KIAA0586: variants seen among roughly 807,000 people sequenced by gnomAD.
KIAA0586 encodes the protein KIAA0586.
A neutral mutation model predicts 169.8 loss-of-function variants in KIAA0586; 144 were observed. The observed-to-expected ratio is 0.85, with a 90% CI of 0.74 to 0.97. The LOEUF (loss-of-function observed/expected upper bound fraction) is 0.97, where lower values mean the gene tolerates loss of function less well. KIAA0586 is among the 50% of genes least tolerant of loss of function. The pLI, the probability that KIAA0586 is intolerant of heterozygous loss-of-function variation, is 0.00. For synonymous variants in KIAA0586, 625 were observed against 612.4 expected (o/e 1.02, Z -0.30); for missense variants, 1,854 against 1,823.0 (o/e 1.02, Z -0.31).
chr14:58,442,907 A>G, intron 5 of KIAA0586, 27 bp downstream of exon 5: 1 of 1,546,076 alleles, frequency 6.5e-7, no homozygotes. Flanking sequence ...AGATAATCAT[A>G]ACTACTTTGT....
At chr14:58,479,015 T>C in intron 20 of KIAA0586, among the ~76,000 whole-genome samples, 1 of 152,248 alleles carries the variant, frequency 6.6e-6, no homozygotes, top group Non-Finnish European at 1.5e-5. Flanking sequence ...GCTATGAACA[T>C]TTGTAAGCAA....
chr14:58,428,777 T>C (rs890079832), intron 1 of KIAA0586, among the ~76,000 whole-genome samples: 32 of 151,952 alleles, frequency 2.1e-4, no homozygotes, highest in African/African-American at 7.3e-4. Context: ...GTGTTTTTTA[T>C]AGTTTTCCCC....
At position 58,535,723 on chromosome 14, in the gene KIAA0586, C is replaced by CA. The variant is rs1835149789; in HGVS notation, c.4430-4348_4430-4347insA. Among the ~76,000 whole-genome samples, 7 of 145,754 alleles carry CA rather than the reference C, an allele frequency of 4.8e-5. No homozygotes were observed. In the South Asian group the frequency reaches 1.3e-3, roughly 27 times the overall value. ...GATTTTTTTTTTTTTTTTTAGTGAA[C>CA]TCAAATTAGTATAAAAATGTAGCTA... On this transcript the variant is annotated intron_variant, in intron 29 of 30. Coordinates refer to ENST00000652326, the MANE Select transcript of KIAA0586 (RefSeq NM_001329943.3).
chr14:58,498,597 A>G (rs534652538), intron 26 of KIAA0586, among the ~76,000 whole-genome samples, 186 bp from the exon 27 acceptor site: 1 of 152,202 alleles, frequency 6.6e-6, no homozygotes, highest in African/African-American at 2.4e-5. Flanking sequence ...AACAAAGCCT[A>G]TCACGAGGCT....
chr14:58,553,354 G>A (rs1264419669), downstream of KIAA0586, among the ~76,000 whole-genome samples: 4 of 152,196 alleles, frequency 2.6e-5, no homozygotes, highest in Non-Finnish European at 5.9e-5. Flanking sequence ...AGGCAGGTTA[G>A]CAGATGAAGC....
chr14:58,515,648 G>A (rs1164834202), intron 29 of KIAA0586, among the ~76,000 whole-genome samples: 1 of 151,928 alleles, frequency 6.6e-6, no homozygotes, highest in African/African-American at 2.4e-5. Context: ...GATATGATAG[G>A]GATTTCAAAA....
At chr14:58,466,755 A>G (rs1247981134) in intron 15 of KIAA0586, among the ~76,000 whole-genome samples, 1 of 152,202 alleles carries the variant, frequency 6.6e-6, no homozygotes, top group Non-Finnish European at 1.5e-5. Context: ...TAAATATGTC[A>G]TGGACATTCA....
In KIAA0586 at chr14:58,428,291, G is replaced by A. The variant is rs1228626613; in HGVS notation, c.27G>A (p.Glu9=). 1.2e-6 allele frequency: 2 copies of A among 1,613,672 alleles called. No individual in the cohort carries two copies. Among genetic ancestry groups the A allele is most frequent in the Non-Finnish European group, 1.7e-6 (2 of 1,179,750 alleles). ...TGAAAGGCTCTGAGGTCAGCTTGGA[G>A]AAGAAAAAAAAGATTAAGATGCCAG... MKGSEVSL[E]KKKKIKMPVK... Residue 9 remains glutamate (E), a synonymous_variant, in exon 1 of 31, where the codon GAG becomes GAA. Transcript: ENST00000652326.
At chr14:58,467,971 T>C (rs1170108900) in intron 16 of KIAA0586, 49 bp downstream of exon 16, 2 of 1,305,236 alleles carry the variant, frequency 1.5e-6, no homozygotes, top group Non-Finnish European at 1.1e-6. Flanking sequence ...AAAAATTTTT[T>C]TGCTTAACGT....
At chr14:58,465,462 C>A (rs1032415416) in intron 14 of KIAA0586, among the ~76,000 whole-genome samples, 4 of 152,106 alleles carry the variant, frequency 2.6e-5, no homozygotes, top group Admixed American at 1.3e-4. Context: ...TATTTTGTCA[C>A]AGTAGCTGTA....
intron 26 of KIAA0586, 97 bp downstream of exon 26, chr14:58,492,372 G>GT: frequency 9.2e-7 from 1 of 1,087,468 alleles, no homozygotes; most frequent in Non-Finnish European, 1.3e-6. Context: ...TAGTATTTTG[G>GT]TTTTTTCAAG....
In KIAA0586 at chr14:58,481,921, C is replaced by T. The variant is rs947598205; in HGVS notation, c.2945-592C>T. ...CTCCACCTCCTGGGTTCACGCCATC[C>T]TCCTGCCTCAGCCTCCCGAGTAGCT... On this transcript the variant is annotated intron_variant, in intron 20 of 30. Coordinates refer to ENST00000652326, the MANE Select transcript of KIAA0586 (RefSeq NM_001329943.3). Among the ~76,000 whole-genome samples, 88 of 151,950 alleles carry T rather than the reference C, an allele frequency of 5.8e-4. 1 individual carries two copies. Among genetic ancestry groups the T allele is most frequent in the Non-Finnish European group, 5.0e-4 (34 of 67,990 alleles).
chr14:58,458,324 C>A, intron 11 of KIAA0586, 149 bp from the exon 12 acceptor site: 1 of 562,910 alleles, frequency 1.8e-6, no homozygotes, highest in South Asian at 2.7e-5. Flanking sequence ...GGATATTAGG[C>A]CCCCATTCTA....
intron 29 of KIAA0586, chr14:58,537,349 T>G (rs559457698): frequency 5.3e-6 from 1 of 187,122 alleles, no homozygotes; most frequent in Admixed American, 6.5e-5. Context: ...TAACCATTTA[T>G]GTACCCTTCC....
chr14:58,477,482 C>A (rs1452396914), intron 20 of KIAA0586, among the ~76,000 whole-genome samples: 1 of 152,102 alleles, frequency 6.6e-6, no homozygotes, highest in Non-Finnish European at 1.5e-5. Context: ...TTTGTTATCC[C>A]CATAGTACTT....
chr14:58,443,831 G>T lies in KIAA0586; in HGVS notation c.586-123G>T, dbSNP rs1595114894. On this transcript the variant is annotated intron_variant, in intron 5 of 30. Coordinates refer to ENST00000652326, the MANE Select transcript of KIAA0586 (RefSeq NM_001329943.3). The stretch of plus-strand genomic sequence containing the variant: ...AAGGCATTAAATCATTAGACATTTA[G>T]TGGGTAAAGGCTCAAATTAGATCAC... 1.6e-5 allele frequency: 10 copies of T among 638,098 alleles called. No individual in the cohort carries two copies. In the East Asian group the frequency reaches 2.8e-4, roughly 18 times the overall value. The allele number at this position is 638,098 out of a possible 1,614,324, so 39.5% of individuals were successfully genotyped here. A position where few individuals can be genotyped will look rare whatever the true frequency, so the allele number is the denominator to read the frequency against.
rs1224661902 is a variant in KIAA0586 at position 58,442,780 on chromosome 14, T to C, written c.485T>C (p.Val162Ala). 3 of 1,602,510 alleles carry C rather than the reference T, an allele frequency of 1.9e-6. No homozygotes were observed. The highest frequency in any genetic ancestry group is 2.6e-6 in the Non-Finnish European group (3 of 1,173,844). Residue 162 changes from valine to alanine, a missense_variant, in exon 5 of 31, where the codon GTT (valine) becomes GCT (alanine). Val to Ala is a moderately conservative substitution (Grantham distance 64). Coordinates refer to ENST00000652326, the MANE Select transcript of KIAA0586 (RefSeq NM_001329943.3). ...LEDAGIEKDA[V>A]TQETRISPSG... is the part of the protein sequence containing the mutation. ...GATGCAGGCATAGAGAAGGATGCTG[T>C]TACTCAGGAGACTAGAATTTCACCC...
At chr14:58,462,499 C>T (rs947756580) in intron 14 of KIAA0586, among the ~76,000 whole-genome samples, 6 of 152,042 alleles carry the variant, frequency 3.9e-5, no homozygotes, top group African/African-American at 1.4e-4. Context: ...GTGATCCACC[C>T]GCCTCAGCCT....
At chr14:58,474,196 G>A (rs965581485) in intron 18 of KIAA0586, among the ~76,000 whole-genome samples, 3 of 152,034 alleles carry the variant, frequency 2.0e-5, no homozygotes, top group African/African-American at 4.8e-5. Flanking sequence ...CGCCCACCAG[G>A]CCCCATCTCC....
Sources: allele counts gnomAD v4.1 joint callset (sites outside exome capture counted in the v4.1 genomes callset), GRCh38; gene constraint gnomAD v4.1.1; transcripts MANE v1.5; gene names NCBI Gene and HGNC (gene_info 2026-07-23, HGNC 2026-07-21).